The following PCDH15 variants were observed in gnomAD, a reference collection of about 807,000 sequenced individuals.
PCDH15 encodes protocadherin related 15.
A neutral mutation model predicts 178.5 loss-of-function variants in PCDH15; 129 were observed. The ratio of observed to expected loss-of-function variants is 0.72; its 90% CI spans 0.63 to 0.84. The LOEUF (loss-of-function observed/expected upper bound fraction) is 0.84, where lower values mean the gene tolerates loss of function less well. Among genes scored for constraint, PCDH15 ranks in the 40% least tolerant of loss-of-function variants. PCDH15 has a pLI of 0.00. For missense variants in PCDH15, 2,230 were observed against 2,099.9 expected (o/e 1.06, Z -1.21); for synonymous variants, 800 against 732.0 (o/e 1.09, Z -1.50).
intron 2 of PCDH15, among the ~76,000 whole-genome samples, chr10:55,165,365 GAC>G (rs2132117347): frequency 6.6e-6 from 1 of 151,912 alleles, no homozygotes; most frequent in African/African-American, 2.4e-5. Flanking sequence ...TAAGTGTACT[GAC>G]ACAGAAATGT....
chr10:55,524,371 C>A (rs1325135201), intron 2 of PCDH15, among the ~76,000 whole-genome samples: 2 of 151,512 alleles, frequency 1.3e-5, no homozygotes, highest in Admixed American at 1.3e-4. Context: ...AATACAGTGG[C>A]CACCAGTCTC....
At chr10:54,829,836 A>G (rs1436273393) in intron 3 of PCDH15, among the ~76,000 whole-genome samples, 4 of 152,122 alleles carry the variant, frequency 2.6e-5, no homozygotes, top group Non-Finnish European at 5.9e-5. Flanking sequence ...AATGATATGC[A>G]CACTATAGCT....
chr10:53,807,732 G>A (rs960500771), intron 37 of PCDH15, among the ~76,000 whole-genome samples: 5 of 151,986 alleles, frequency 3.3e-5, no homozygotes, highest in African/African-American at 1.2e-4. Flanking sequence ...TTTCTGGGTT[G>A]TCCCATTTAG....
chr10:53,848,998 T>C (rs1378973800), intron 28 of PCDH15, among the ~76,000 whole-genome samples: 3 of 152,116 alleles, frequency 2.0e-5, no homozygotes, highest in African/African-American at 7.2e-5. Flanking sequence ...TTTATCTCTT[T>C]TTGAAAACAA....
rs555074991 is a variant in PCDH15 at position 53,887,157 on chromosome 10, A to T, written c.3501+16086T>A. Among the ~76,000 whole-genome samples the T allele has an allele frequency of 3.9e-5, 6 of 152,276 alleles. No individual in the cohort carries two copies. In the East Asian group the frequency reaches 9.7e-4, roughly 25 times the overall value. ...CCTACCACCCTGTCTTTCAGATCCA[A>T]CCTAAGGTATTTGATTACTGGCACC... On this transcript the variant is annotated intron_variant, in intron 26 of 37. Coordinates refer to ENST00000644397, the MANE Select transcript of PCDH15 (RefSeq NM_001384140.1).
chr10:54,982,240 T>C (rs1452926056), intron 2 of PCDH15, among the ~76,000 whole-genome samples: 2 of 152,172 alleles, frequency 1.3e-5, no homozygotes, highest in African/African-American at 2.4e-5. Context: ...TTCAATATTA[T>C]ATTTCAAATG....
At chr10:54,445,926 C>T (rs548074686) in intron 3 of PCDH15, among the ~76,000 whole-genome samples, 1 of 151,606 alleles carries the variant, frequency 6.6e-6, no homozygotes, top group Non-Finnish European at 1.5e-5. Flanking sequence ...ATTTCAGTTT[C>T]TTCAGTGCTT....
intron 5 of PCDH15, among the ~76,000 whole-genome samples, chr10:54,363,732 A>G (rs994501950): frequency 8.5e-5 from 13 of 152,160 alleles, no homozygotes; most frequent in African/African-American, 2.9e-4. Flanking sequence ...ACAATGTATG[A>G]AAGTTGTGAT....
intron 3 of PCDH15, among the ~76,000 whole-genome samples, chr10:54,394,447 C>T (rs904665504): frequency 1.3e-5 from 2 of 152,052 alleles, no homozygotes; most frequent in African/African-American, 4.8e-5. Context: ...GCCCCACAAG[C>T]CACAAAAACC....
At chr10:54,740,728 T>G (rs1476401798) in intron 1 of PCDH15, among the ~76,000 whole-genome samples, 1 of 151,970 alleles carries the variant, frequency 6.6e-6, no homozygotes, top group East Asian at 1.9e-4. Context: ...GCAACATGGA[T>G]AGAACTGGAG....
At chr10:54,117,108 A>G (rs900321729) in intron 15 of PCDH15, among the ~76,000 whole-genome samples, 1 of 152,148 alleles carries the variant, frequency 6.6e-6, no homozygotes, top group Non-Finnish European at 1.5e-5. Context: ...CAGCCTGACA[A>G]GCTGTGCTCG....
At position 54,524,491 on chromosome 10, in the gene PCDH15, G is replaced by T. The variant is rs144596605; in HGVS notation, c.157+3321C>A. Among the ~76,000 whole-genome samples the T allele has an allele frequency of 4.2e-3, 646 of 152,274 alleles. 2 individuals carry two copies. Among genetic ancestry groups the T allele is most frequent in the African/African-American group, 0.015 (617 of 41,566 alleles). ...AATGTCAATCTATAGTTGCTGTAAA[G>T]CAGCCAAGGACTCTGATGTGGCTGG... On this transcript the variant is annotated intron_variant, in intron 3 of 37. Coordinates refer to ENST00000644397, the MANE Select transcript of PCDH15 (RefSeq NM_001384140.1).
intron 3 of PCDH15, among the ~76,000 whole-genome samples, chr10:54,879,049 A>T (rs1388899875): frequency 6.6e-6 from 1 of 152,196 alleles, no homozygotes; most frequent in African/African-American, 2.4e-5. Context: ...TATGAAAAGT[A>T]AAATTAAAAA....
At chr10:54,371,212 G>C (rs1565106791) in intron 4 of PCDH15, among the ~76,000 whole-genome samples, 1 of 151,180 alleles carries the variant, frequency 6.6e-6, no homozygotes. Flanking sequence ...ATTTGTAATA[G>C]AAAAAAAATC....
intron 3 of PCDH15, among the ~76,000 whole-genome samples, chr10:54,878,417 A>G (rs372270475): frequency 4.8e-4 from 73 of 152,328 alleles, no homozygotes; most frequent in African/African-American, 1.7e-3. Flanking sequence ...ATATTCCACA[A>G]GAAGACAGCC....
At chr10:54,062,377 T>C (rs1260138915) in intron 18 of PCDH15, among the ~76,000 whole-genome samples, 2 of 151,028 alleles carry the variant, frequency 1.3e-5, no homozygotes, top group Admixed American at 6.6e-5. Flanking sequence ...TAATTAACAA[T>C]ATGTATCTTG....
chr10:53,822,597 G>C (rs753050179), intron 32 of PCDH15: 3 of 1,613,832 alleles, frequency 1.9e-6, no homozygotes, highest in Non-Finnish European at 2.5e-6. Context: ...AGAGAGTGAA[G>C]AATGTAAAAC....
intron 2 of PCDH15, among the ~76,000 whole-genome samples, chr10:55,436,158 T>C (rs1336908631): frequency 6.6e-6 from 1 of 152,114 alleles, no homozygotes; most frequent in East Asian, 1.9e-4. Flanking sequence ...GTTAAGGAGT[T>C]TGATATTACT....
At chr10:54,432,438 A>G (rs952527561) in intron 3 of PCDH15, among the ~76,000 whole-genome samples, 9 of 152,162 alleles carry the variant, frequency 5.9e-5, no homozygotes, top group African/African-American at 1.9e-4. Context: ...ATCTATAGTG[A>G]AGTTATTTTC....
Sources: gnomAD v4.1 joint callset for allele counts (sites outside exome capture counted in the v4.1 genomes callset) on GRCh38, gnomAD v4.1.1 for gene constraint, MANE v1.5 for transcripts, NCBI Gene and HGNC (gene_info 2026-07-23, HGNC 2026-07-21) for gene names.